Variants in UBXN2A observed in about 807,000 individuals in gnomAD.
The protein encoded by UBXN2A is UBX domain protein 2A.
Under a neutral mutation model 28.4 loss-of-function variants are expected in UBXN2A, and 28 were observed. That is an observed-to-expected ratio of 0.99 (90% confidence interval 0.73 to 1.35). UBXN2A has a LOEUF of 1.35. Among genes scored for constraint, UBXN2A ranks in the 40% most tolerant of loss-of-function variants. UBXN2A has a pLI of 0.00. For missense variants in UBXN2A, 253 were observed against 297.9 expected (o/e 0.85, Z 1.11); for synonymous variants, 97 against 103.6 (o/e 0.94, Z 0.39).
chr2:23,998,448 G>A (rs540145832), intron 6 of UBXN2A, among the ~76,000 whole-genome samples: 3 of 152,122 alleles, frequency 2.0e-5, no homozygotes, highest in South Asian at 2.1e-4. Flanking sequence ...GGCTGGGCAC[G>A]GTGGCTCACA....
chr2:23,973,327 ATTTTCTTT>A (rs1357385700), intron 3 of UBXN2A, among the ~76,000 whole-genome samples: 3 of 136,586 alleles, frequency 2.2e-5, no homozygotes, highest in Non-Finnish European at 4.6e-5. Flanking sequence ...CCTGGTAGAT[ATTTTCTTT>A]TTTTCTTTTT....
chr2:23,944,881 C>G (rs4665248), intron 1 of UBXN2A, among the ~76,000 whole-genome samples: 1 of 151,952 alleles, frequency 6.6e-6, no homozygotes, highest in Admixed American at 6.6e-5. Context: ...CTAGAGAGAG[C>G]TAAAGAGGAC....
At chr2:23,930,584 C>G (rs1368656352) in intron 1 of UBXN2A, among the ~76,000 whole-genome samples, 1 of 152,148 alleles carries the variant, frequency 6.6e-6, no homozygotes, top group Non-Finnish European at 1.5e-5. Context: ...TAAGGCCAAG[C>G]AAGGTGGCTC....
At chr2:23,951,522 G>A (rs1328816110) in intron 1 of UBXN2A, among the ~76,000 whole-genome samples, 1 of 149,272 alleles carries the variant, frequency 6.7e-6, no homozygotes, top group Non-Finnish European at 1.5e-5. Flanking sequence ...GTGCAGTGGT[G>A]CGAGCTTGGC....
chr2:23,955,418 C>G (rs1706574561), intron 1 of UBXN2A, among the ~76,000 whole-genome samples: 3 of 152,160 alleles, frequency 2.0e-5, no homozygotes, highest in East Asian at 3.8e-4. Flanking sequence ...TGATGTCACC[C>G]TCAAGAGTTT....
At chr2:23,977,166 C>G in intron 4 of UBXN2A, 91 bp downstream of exon 4, 4 of 983,620 alleles carry the variant, frequency 4.1e-6, no homozygotes, top group Non-Finnish European at 6.2e-6. Context: ...GAGTTCAAGG[C>G]CAGCCGGGGA....
chr2:23,965,526 T>C (rs773702834), intron 2 of UBXN2A, among the ~76,000 whole-genome samples: 12 of 152,248 alleles, frequency 7.9e-5, no homozygotes, highest in Admixed American at 1.3e-4. Flanking sequence ...GAATTAATTT[T>C]CAGTGTTAAA....
At chr2:23,996,817 G>T (rs1370982418) in intron 6 of UBXN2A, 1 of 149,316 alleles carries the variant, frequency 6.7e-6, no homozygotes, top group Non-Finnish European at 1.5e-5. Flanking sequence ...TCGCTATGTT[G>T]CCCAGGCTGG....
At chr2:23,952,391 G>A (rs1396668957) in intron 1 of UBXN2A, among the ~76,000 whole-genome samples, 1 of 152,152 alleles carries the variant, frequency 6.6e-6, no homozygotes, top group Admixed American at 6.5e-5. Flanking sequence ...AGCCTCCGGA[G>A]TAGCTGGGAC....
At chr2:23,961,845 CTT>C (rs1302137161) in intron 2 of UBXN2A, among the ~76,000 whole-genome samples, 1 of 139,214 alleles carries the variant, frequency 7.2e-6, no homozygotes, top group African/African-American at 2.7e-5. Flanking sequence ...CGCACCCGGC[CTT>C]TTTTTTTTAT....
chr2:23,928,441 G>C (rs1168583843), intron 1 of UBXN2A, among the ~76,000 whole-genome samples: 1 of 152,042 alleles, frequency 6.6e-6, no homozygotes, highest in Non-Finnish European at 1.5e-5. Flanking sequence ...GCCAGGTGTC[G>C]TGGTGCATGC....
At chr2:23,951,701 T>A (rs1446055581) in intron 1 of UBXN2A, among the ~76,000 whole-genome samples, 1 of 151,742 alleles carries the variant, frequency 6.6e-6, no homozygotes, top group Non-Finnish European at 1.5e-5. Flanking sequence ...CCTGAAGTGA[T>A]CCCCCTGCCT....
intron 2 of UBXN2A, among the ~76,000 whole-genome samples, chr2:23,963,090 A>T (rs1707005279): frequency 1.3e-5 from 2 of 152,206 alleles, no homozygotes; most frequent in Admixed American, 1.3e-4. Flanking sequence ...ATTTATTATC[A>T]TGAGAACAGC....
chr2:23,951,915 T>C (rs774837058), intron 1 of UBXN2A, among the ~76,000 whole-genome samples: 19 of 152,138 alleles, frequency 1.2e-4, no homozygotes, highest in Non-Finnish European at 2.8e-4. Flanking sequence ...GGAAGAAATC[T>C]TATGAGAAAA....
intron 6 of UBXN2A, among the ~76,000 whole-genome samples, chr2:23,989,434 A>G (rs1350318447): frequency 6.6e-6 from 1 of 151,382 alleles, no homozygotes; most frequent in East Asian, 2.0e-4. Context: ...TATACTTTTA[A>G]TAGAGAGGGG....
At chr2:23,971,076 A>T (rs1707393471) in intron 2 of UBXN2A, among the ~76,000 whole-genome samples, 200 bp from the exon 3 acceptor site, 1 of 152,174 alleles carries the variant, frequency 6.6e-6, no homozygotes. Flanking sequence ...TCTAAATGTT[A>T]GTAGAGCTGA....
chr2:23,962,713 C>T (rs144251714), intron 2 of UBXN2A, among the ~76,000 whole-genome samples: 1 of 149,432 alleles, frequency 6.7e-6, no homozygotes, highest in Non-Finnish European at 1.5e-5. Context: ...TCAAGCCATT[C>T]TCCTGCCTCA....
rs1255811145 is a variant in UBXN2A, at chr2:24,001,986, A to G, written c.*2119A>G. ...AAAAAAAAAAATTATTCATTTAAAA[A>G]TAACTTCTGGCTGGACATGGTGTCT... On this transcript the variant is annotated 3_prime_UTR_variant, in exon 7 of 7. Transcript: ENST00000309033. 1.3e-5 allele frequency: 2 copies of G among 151,220 alleles called. No individual in the cohort carries two copies. 9.4% of individuals were successfully genotyped at this position (151,220 alleles called of 1,614,324 possible).
At position 23,928,811 on chromosome 2, in the gene UBXN2A, C is replaced by T. The variant is rs148721962; in HGVS notation, c.-138+1196C>T. Among the ~76,000 whole-genome samples, 15 of 152,168 alleles carry T rather than the reference C, an allele frequency of 9.9e-5. No individual in the cohort carries two copies. The East Asian group carries it at 2.3e-3, about 24-fold the overall frequency. On this transcript the variant is annotated intron_variant, in intron 1 of 7. Coordinates refer to the UBXN2A transcript ENST00000404924. ...TTTGTTTGGGAACCAGTATGGATTC[C>T]AGAATAGATAAATCCTTCTGACACA...
Sources: allele counts gnomAD v4.1 joint callset (sites outside exome capture counted in the v4.1 genomes callset), GRCh38; gene constraint gnomAD v4.1.1; transcripts MANE v1.5; gene names NCBI Gene and HGNC (gene_info 2026-07-23, HGNC 2026-07-21).